The following ESRRG variants were observed in gnomAD, a reference collection of about 807,000 sequenced individuals.
ESRRG encodes estrogen-related receptor gamma.
ESRRG carries 13 observed loss-of-function variants against 44.0 expected under a neutral mutation model. That is an observed-to-expected ratio of 0.30 (90% CI 0.19 to 0.47). The LOEUF (loss-of-function observed/expected upper bound fraction) is 0.47. Among genes scored for constraint, ESRRG ranks in the 20% least tolerant of loss-of-function variants. The pLI is 1.00. For missense variants in ESRRG, 395 were observed against 580.6 expected, an observed-to-expected ratio of 0.68 and a Z score of 3.29; for synonymous variants, 215 against 214.6, an observed-to-expected ratio of 1.00 and a Z score of -0.02.
intron 2 of ESRRG, among the ~76,000 whole-genome samples, chr1:216,878,948 A>G (rs998271025): frequency 6.6e-6 from 1 of 152,224 alleles, no homozygotes; most frequent in Non-Finnish European, 1.5e-5. Context: ...GAGACAAAAT[A>G]GGCCAAATAA....
At chr1:216,976,288 G>A (rs749362165) in intron 1 of ESRRG, among the ~76,000 whole-genome samples, 61 of 13,532 alleles carry the variant, frequency 4.5e-3, no homozygotes, top group African/African-American at 7.4e-3. Context: ...GCTCCTAAAT[G>A]TGTGTGTGTG....
intron 5 of ESRRG, among the ~76,000 whole-genome samples, chr1:216,529,272 G>A (rs2048573557): frequency 6.6e-6 from 1 of 152,128 alleles, no homozygotes; most frequent in African/African-American, 2.4e-5. Flanking sequence ...TTTTTAATAG[G>A]TCAGAACCAG....
chr1:216,713,108 A>G (rs2083982858), intron 1 of ESRRG, among the ~76,000 whole-genome samples: 1 of 152,204 alleles, frequency 6.6e-6, no homozygotes, highest in Admixed American at 6.5e-5. Context: ...AGAGTAATCA[A>G]TAGTAATCCA....
chr1:216,954,937 T>C (rs2067669801), intron 1 of ESRRG, among the ~76,000 whole-genome samples: 1 of 152,142 alleles, frequency 6.6e-6, no homozygotes, highest in Non-Finnish European at 1.5e-5. Flanking sequence ...TAATTGTACA[T>C]ATTTATGCGG....
chr1:216,765,261 T>G (rs2093016707), intron 2 of ESRRG, among the ~76,000 whole-genome samples: 1 of 152,028 alleles, frequency 6.6e-6, no homozygotes, highest in Non-Finnish European at 1.5e-5. Flanking sequence ...AAACAGCTCT[T>G]GAGGTTGTGA....
chr1:217,134,837 G>A (rs911708704), intron 1 of ESRRG, among the ~76,000 whole-genome samples: 1 of 152,244 alleles, frequency 6.6e-6, no homozygotes, highest in Non-Finnish European at 1.5e-5. Flanking sequence ...TAGAAAAAGA[G>A]GACAAGGTCA....
chr1:216,773,515 A>G (rs1288919535), intron 2 of ESRRG, among the ~76,000 whole-genome samples: 1 of 152,118 alleles, frequency 6.6e-6, no homozygotes, highest in Non-Finnish European at 1.5e-5. Flanking sequence ...CAACTATGAA[A>G]ATGCTTTGTA....
intron 2 of ESRRG, among the ~76,000 whole-genome samples, chr1:216,767,824 G>A (rs778205377): frequency 7.6e-4 from 116 of 152,222 alleles, no homozygotes; most frequent in Non-Finnish European, 1.5e-3. Flanking sequence ...AAAAAGTGTG[G>A]CCTATTAAGA....
chr1:216,507,262 A>G (rs2041435186), intron 6 of ESRRG, 79 bp from the exon 7 acceptor site: 6 of 948,666 alleles, frequency 6.3e-6, no homozygotes, highest in South Asian at 2.2e-5. Flanking sequence ...AAAATTAGTT[A>G]TTAATTTAAT....
chr1:216,645,916 G>A (rs911204041), intron 3 of ESRRG, among the ~76,000 whole-genome samples: 2 of 145,346 alleles, frequency 1.4e-5, no homozygotes, highest in East Asian at 4.0e-4. Context: ...ATTTACTTAT[G>A]AAGTTAACAG....
intron 2 of ESRRG, among the ~76,000 whole-genome samples, chr1:216,750,879 A>T (rs1385202815): frequency 6.6e-6 from 1 of 152,156 alleles, no homozygotes; most frequent in Non-Finnish European, 1.5e-5. Context: ...TTCATAAGAA[A>T]TACCTTAGGA....
chr1:216,895,111 C>T (rs964901381), intron 2 of ESRRG, among the ~76,000 whole-genome samples: 5 of 152,124 alleles, frequency 3.3e-5, no homozygotes, highest in African/African-American at 1.2e-4. Context: ...TTTAGATAGA[C>T]ATCCATATTA....
At chr1:216,524,238 T>C (rs2148999681) in intron 5 of ESRRG, among the ~76,000 whole-genome samples, 1 of 135,340 alleles carries the variant, frequency 7.4e-6, no homozygotes, top group Admixed American at 7.7e-5. Context: ...TACATATATA[T>C]ATATATGTAA....
intron 1 of ESRRG, among the ~76,000 whole-genome samples, chr1:216,954,208 T>C (rs989733303): frequency 3.9e-5 from 6 of 152,130 alleles, no homozygotes; most frequent in African/African-American, 1.4e-4. Flanking sequence ...CAGTATTTTT[T>C]TAATTGCACT....
chr1:216,697,960 C>T (rs1559286545), intron 1 of ESRRG, among the ~76,000 whole-genome samples: 3 of 152,152 alleles, frequency 2.0e-5, no homozygotes, highest in African/African-American at 4.8e-5. Context: ...TAACAATCCA[C>T]GGTATGAACA....
intron 2 of ESRRG, among the ~76,000 whole-genome samples, chr1:216,798,015 G>C (rs74141658): frequency 0.024 from 3,688 of 152,230 alleles, 163 homozygotes; most frequent in African/African-American, 0.082. Flanking sequence ...TTTCCCAAAA[G>C]TAAGCAGTAT....
intron 1 of ESRRG, among the ~76,000 whole-genome samples, chr1:216,687,576 G>T (rs1273153014): frequency 6.6e-6 from 1 of 152,154 alleles, no homozygotes; most frequent in East Asian, 1.9e-4. Flanking sequence ...CCCTAAGCTT[G>T]TCAGATCTGA....
At chr1:216,617,925 A>T (rs79996724) in intron 3 of ESRRG, among the ~76,000 whole-genome samples, 4,584 of 152,306 alleles carry the variant, frequency 0.03, 233 homozygotes, top group African/African-American at 0.1. Context: ...ATCAACATGC[A>T]TTTATTCTAT....
intron 1 of ESRRG, among the ~76,000 whole-genome samples, chr1:216,690,086 C>T (rs2078786131): frequency 6.6e-6 from 1 of 152,066 alleles, no homozygotes; most frequent in Admixed American, 6.6e-5. Flanking sequence ...CATAACACAG[C>T]ATTTCCACTC....
Sources: gnomAD v4.1 joint callset for allele counts (sites outside exome capture counted in the v4.1 genomes callset) on GRCh38, gnomAD v4.1.1 for gene constraint, MANE v1.5 for transcripts, NCBI Gene and HGNC (gene_info 2026-07-23, HGNC 2026-07-21) for gene names.